MTF2: variants seen among roughly 807,000 people sequenced by gnomAD.
MTF2 encodes the protein metal-response element-binding transcription factor 2.
In MTF2, 11 loss-of-function variants were observed where a neutral mutation model predicts 79.5. The ratio of observed to expected loss-of-function variants is 0.14; its 90% confidence interval spans 0.09 to 0.23. The LOEUF (loss-of-function observed/expected upper bound fraction) is 0.23, where lower values mean the gene tolerates loss of function less well. Ranked by LOEUF, MTF2 falls within the 10% of genes least tolerant of loss-of-function variation. MTF2 has a pLI of 1.00. For missense variants in MTF2, 486 were observed against 711.2 expected (o/e 0.68, Z 3.60); for synonymous variants, 208 against 232.8 (o/e 0.89, Z 0.97).
intron 11 of MTF2, among the ~76,000 whole-genome samples, chr1:93,133,120 T>C (rs114972434): frequency 0.015 from 2,310 of 152,242 alleles, 27 homozygotes; most frequent in Non-Finnish European, 0.023. Flanking sequence ...TCCCTGAGAA[T>C]ATGAAGGATT....
At chr1:93,086,715 C>T (rs1654853751) in intron 1 of MTF2, among the ~76,000 whole-genome samples, 1 of 151,894 alleles carries the variant, frequency 6.6e-6, no homozygotes, top group Admixed American at 6.6e-5. Context: ...GTTAGTTTCC[C>T]AGTTTTGTTG....
intron 6 of MTF2, among the ~76,000 whole-genome samples, chr1:93,116,951 C>T (rs1656271734): frequency 6.6e-6 from 1 of 152,022 alleles, no homozygotes; most frequent in Non-Finnish European, 1.5e-5. Flanking sequence ...CTTAGGTGGG[C>T]ACGGTTTTTG....
chr1:93,105,240 A>G (rs1341066344), intron 1 of MTF2, among the ~76,000 whole-genome samples: 1 of 151,962 alleles, frequency 6.6e-6, no homozygotes, highest in South Asian at 2.1e-4. Context: ...GGAGGAGACT[A>G]TAGGAGTGGA....
intron 1 of MTF2, among the ~76,000 whole-genome samples, chr1:93,096,494 C>A (rs1394995359): frequency 6.6e-6 from 1 of 151,286 alleles, no homozygotes; most frequent in Non-Finnish European, 1.5e-5. Context: ...AGAGGACCAG[C>A]TTTTGGTGCC....
chr1:93,121,730 T>C, intron 9 of MTF2: 1 of 935,352 alleles, frequency 1.1e-6, no homozygotes, highest in Non-Finnish European at 1.3e-6. Context: ...TTTGTTAAGT[T>C]TTCTGTTAAA....
rs1226076735 is a variant in MTF2, at chr1:93,137,135, C to CA, written c.*115dup. 9 of 809,346 alleles carry CA rather than the reference C, an allele frequency of 1.1e-5. No homozygotes were observed. The highest frequency in any genetic ancestry group is 1.0e-4 in the East Asian group (4 of 38,444). The allele number at this position is 809,346 out of a possible 1,614,324, so 50.1% of individuals were successfully genotyped here. A position where few individuals can be genotyped will look rare whatever the true frequency, so the allele number is the denominator to read the frequency against. On this transcript the variant is annotated 3_prime_UTR_variant, in exon 15 of 15. Coordinates refer to ENST00000370298, the MANE Select transcript of MTF2 (RefSeq NM_007358.4). ...ATCTTTCTTAAAAAAAAAAAAAAGT[C>CA]AAAAAAATTCAAAAAAGGGGATGAT...
intron 4 of MTF2, 39 bp downstream of exon 4, chr1:93,114,822 T>G: frequency 6.8e-7 from 1 of 1,474,982 alleles, no homozygotes; most frequent in Non-Finnish European, 9.3e-7. Context: ...ACATACTGAA[T>G]GACTATGTTG....
intron 1 of MTF2, among the ~76,000 whole-genome samples, chr1:93,104,330 A>C (rs2101046734): frequency 6.6e-6 from 1 of 152,248 alleles, no homozygotes; most frequent in East Asian, 1.9e-4. Flanking sequence ...TGTGAATGAA[A>C]GTAGAGTCTA....
At chr1:93,115,326 G>C in intron 5 of MTF2, 144 bp from the exon 6 acceptor site, 1 of 723,140 alleles carries the variant, frequency 1.4e-6, no homozygotes, top group Non-Finnish European at 2.2e-6. Context: ...GAAAAATAGA[G>C]ATTATTATTA....
In MTF2 at chr1:93,120,592, C is replaced by T; in HGVS notation, c.841C>T (p.His281Tyr). 1 of 1,607,162 alleles carries T rather than the reference C, an allele frequency of 6.2e-7. No individual in the cohort carries two copies. Among genetic ancestry groups the T allele is most frequent in the Non-Finnish European group, 8.5e-7 (1 of 1,176,584 alleles). Reference protein sequence around the residue: ...HLCLYNLSVIHKKKYFDSELE... With the variant: ...HLCLYNLSVIYKKKYFDSELE... ...ATGCCTTTACAACCTAAGTGTTATT[C>T]ATAAGAAGAAATACTTTGATTCTGA... The change falls in exon 9 of 15, where the codon CAT (histidine) becomes TAT (tyrosine). Residue 281 changes from histidine to tyrosine, a missense_variant. Transcript: ENST00000370298.
intron 1 of MTF2, among the ~76,000 whole-genome samples, chr1:93,099,259 G>A (rs955051743): frequency 2.6e-5 from 4 of 152,112 alleles, no homozygotes; most frequent in Non-Finnish European, 4.4e-5. Flanking sequence ...ACAACTAAGG[G>A]CCACTAAATA....
In MTF2 at chr1:93,139,065, A is replaced by AT. The variant is rs897224170; in HGVS notation, c.*2044dup. 5 of 152,178 alleles carry AT rather than the reference A, an allele frequency of 3.3e-5. No individual in the cohort carries two copies. The highest frequency in any genetic ancestry group is 1.2e-4 in the African/African-American group (5 of 41,438). 9.4% of individuals were successfully genotyped at this position (152,178 alleles called of 1,614,324 possible). A position where few individuals can be genotyped will look rare whatever the true frequency, so the allele number is the denominator to read the frequency against. On this transcript the variant is annotated 3_prime_UTR_variant, in exon 15 of 15. Coordinates refer to ENST00000370298, the MANE Select transcript of MTF2 (RefSeq NM_007358.4). The stretch of plus-strand genomic sequence containing the variant: ...AAACAGACCAACATTAAATGTGTGT[A>AT]TTTTTTAAAGAGCTAATGAGTTTTG...
chr1:93,127,544 G>A (rs537152124), intron 10 of MTF2, among the ~76,000 whole-genome samples: 135 of 152,254 alleles, frequency 8.9e-4, no homozygotes, highest in Non-Finnish European at 1.7e-3. Flanking sequence ...GGAGAATTTA[G>A]CCTGTTCCAT....
intron 3 of MTF2, among the ~76,000 whole-genome samples, chr1:93,114,239 G>A (rs1656155419): frequency 6.6e-6 from 1 of 152,190 alleles, no homozygotes; most frequent in South Asian, 2.1e-4. Flanking sequence ...GAAAGAGGTA[G>A]TTTACTTATC....
Position 93,134,978 on chromosome 1 carries a change from A to T in MTF2, c.1424+783A>T, listed in dbSNP as rs866700501. Among the ~76,000 whole-genome samples the T allele has an allele frequency of 4.0e-5, 6 of 150,258 alleles. No homozygotes were observed. The South Asian group carries it at 6.3e-4, about 16-fold the overall frequency. ...AGGACAACGTTTTTGTTTATTGTTTATTTTTTTTTGAGATGGAGTCTCGCT... is the reference window on the plus strand; with the variant it reads ...AGGACAACGTTTTTGTTTATTGTTTTTTTTTTTTTGAGATGGAGTCTCGCT... On this transcript the variant is annotated intron_variant, in intron 14 of 14. Transcript: ENST00000370298.
At chr1:93,080,974 T>C (rs1287439440) in intron 1 of MTF2, 2 of 152,172 alleles carry the variant, frequency 1.3e-5, no homozygotes, top group Non-Finnish European at 2.9e-5. Flanking sequence ...GATTCCTAAA[T>C]ATAAAAATGT....
intron 6 of MTF2, 43 bp from the exon 7 acceptor site, chr1:93,118,302 A>G: frequency 7.6e-7 from 1 of 1,311,682 alleles, no homozygotes; most frequent in Admixed American, 2.3e-5. Context: ...CCTTTCCCTT[A>G]AGACAGGAAT....
intron 1 of MTF2, among the ~76,000 whole-genome samples, chr1:93,085,600 C>T (rs1256801423): frequency 3.3e-5 from 5 of 152,014 alleles, no homozygotes; most frequent in Non-Finnish European, 7.4e-5. Flanking sequence ...GATCCTTCCA[C>T]CTCAGCCTCC....
chr1:93,131,905 T>C (rs879562897), intron 11 of MTF2, among the ~76,000 whole-genome samples: 2 of 152,312 alleles, frequency 1.3e-5, no homozygotes, highest in Middle Eastern at 6.8e-3. Flanking sequence ...TGTTGTAGAT[T>C]GGGCAGTTGG....
Sources: allele counts gnomAD v4.1 joint callset (sites outside exome capture counted in the v4.1 genomes callset), GRCh38; gene constraint gnomAD v4.1.1; transcripts MANE v1.5; gene names NCBI Gene and HGNC (gene_info 2026-07-23, HGNC 2026-07-21).